FBXO36: variants seen among roughly 807,000 people sequenced by gnomAD.
FBXO36 encodes F-box only protein 36.
Under a neutral mutation model 17.0 loss-of-function variants are expected in FBXO36, and 18 were observed. The observed-to-expected ratio is 1.06, with a 90% CI of 0.73 to 1.57. The LOEUF is 1.57. Among genes scored for constraint, FBXO36 ranks in the 40% most tolerant of loss-of-function variants. The probability of loss-of-function intolerance (pLI) is 0.00; values close to 1 mark genes in which losing one functional copy is unlikely to be tolerated. For synonymous variants in FBXO36, 83 were observed against 85.3 expected (o/e 0.97, Z 0.15); for missense variants, 229 against 221.9 (o/e 1.03, Z -0.20).
chr2:229,938,888 T>A (rs2076981471), intron 1 of FBXO36, among the ~76,000 whole-genome samples: 1 of 146,082 alleles, frequency 6.8e-6, no homozygotes, highest in African/African-American at 2.6e-5. Flanking sequence ...GCCTCCCGAG[T>A]AGCTGGGATT....
At chr2:229,928,410 C>G (rs1031298325) in intron 1 of FBXO36, among the ~76,000 whole-genome samples, 5 of 152,178 alleles carry the variant, frequency 3.3e-5, no homozygotes, top group African/African-American at 1.2e-4. Flanking sequence ...GATTTTTACT[C>G]TCCGCATTCA....
At chr2:229,965,353 T>G (rs550070030) in intron 1 of FBXO36, among the ~76,000 whole-genome samples, 1 of 150,692 alleles carries the variant, frequency 6.6e-6, no homozygotes, top group African/African-American at 2.4e-5. Flanking sequence ...TTTTTCTTTT[T>G]TATTTATTTA....
At chr2:229,953,890 C>G (rs1054363500) in intron 1 of FBXO36, among the ~76,000 whole-genome samples, 14 of 151,988 alleles carry the variant, frequency 9.2e-5, no homozygotes, top group African/African-American at 3.4e-4. Context: ...ATTTTAAAGA[C>G]AGAGTCCATT....
At chr2:229,987,159 C>T (rs890704758) in intron 2 of FBXO36, among the ~76,000 whole-genome samples, 1 of 145,914 alleles carries the variant, frequency 6.9e-6, no homozygotes, top group Non-Finnish European at 1.5e-5. Context: ...TGCAGTGAGT[C>T]AAGATTGTGG....
intron 2 of FBXO36, among the ~76,000 whole-genome samples, chr2:229,988,634 A>G (rs1484031984): frequency 6.6e-6 from 1 of 152,084 alleles, no homozygotes; most frequent in Non-Finnish European, 1.5e-5. Flanking sequence ...TCATGGGTTC[A>G]AGAGATTCTC....
intron 2 of FBXO36, among the ~76,000 whole-genome samples, chr2:229,989,245 G>GTATTTT (rs1259273650): frequency 6.6e-6 from 1 of 152,000 alleles, no homozygotes; most frequent in Non-Finnish European, 1.5e-5. Context: ...TGATCATGAT[G>GTATTTT]TATTTTTATT....
At chr2:229,933,407 C>T (rs1013841769) in intron 1 of FBXO36, among the ~76,000 whole-genome samples, 6 of 151,900 alleles carry the variant, frequency 3.9e-5, no homozygotes, top group African/African-American at 7.3e-5. Flanking sequence ...CTCTCATATA[C>T]ACACACACAC....
At chr2:229,947,496 G>A (rs2077033116) in intron 1 of FBXO36, among the ~76,000 whole-genome samples, 1 of 152,180 alleles carries the variant, frequency 6.6e-6, no homozygotes, top group African/African-American at 2.4e-5. Flanking sequence ...AAGGATTTGG[G>A]CCATGGGGAA....
chr2:229,944,032 C>T (rs899079462), intron 1 of FBXO36, among the ~76,000 whole-genome samples: 14 of 152,132 alleles, frequency 9.2e-5, no homozygotes, highest in African/African-American at 2.2e-4. Context: ...CCACGTAAGA[C>T]GGGGCCAGCT....
At chr2:229,949,061 C>G (rs534277682) in intron 1 of FBXO36, among the ~76,000 whole-genome samples, 2 of 152,288 alleles carry the variant, frequency 1.3e-5, no homozygotes, top group East Asian at 3.9e-4. Context: ...TCTTAAACTC[C>G]TGACCTCGTG....
chr2:229,946,153 T>C (rs1292271818), intron 1 of FBXO36, among the ~76,000 whole-genome samples: 1 of 151,984 alleles, frequency 6.6e-6, no homozygotes, highest in African/African-American at 2.4e-5. Context: ...CCTGAGACCA[T>C]AGGACTGTAC....
intron 1 of FBXO36, among the ~76,000 whole-genome samples, chr2:229,933,384 AAAG>A (rs138088330): frequency 0.043 from 6,480 of 152,134 alleles, 466 homozygotes; most frequent in African/African-American, 0.15. Context: ...AAGAGCAAAA[AAAG>A]AGCAAAACTC....
chr2:229,977,661 G>A (rs531504665), intron 2 of FBXO36, among the ~76,000 whole-genome samples: 3 of 152,028 alleles, frequency 2.0e-5, no homozygotes, highest in African/African-American at 7.2e-5. Context: ...TGTTGGCCAG[G>A]CTGGTCTCGA....
At chr2:230,002,796 C>G (rs1368302881) in intron 3 of FBXO36, among the ~76,000 whole-genome samples, 1 of 152,274 alleles carries the variant, frequency 6.6e-6, no homozygotes, top group East Asian at 1.9e-4. Flanking sequence ...AAACCAGCAG[C>G]ATTAGTGACT....
intron 1 of FBXO36, among the ~76,000 whole-genome samples, chr2:229,973,804 T>C (rs1391107656): frequency 6.6e-6 from 1 of 151,884 alleles, no homozygotes; most frequent in Non-Finnish European, 1.5e-5. Context: ...CCCAGCACAT[T>C]GGGAGGCTGA....
At chr2:229,965,794 T>C (rs922016387) in intron 1 of FBXO36, among the ~76,000 whole-genome samples, 2 of 152,182 alleles carry the variant, frequency 1.3e-5, no homozygotes, top group African/African-American at 4.8e-5. Context: ...TTTGGGTTGG[T>C]TCCAAGTCTT....
intron 1 of FBXO36, among the ~76,000 whole-genome samples, chr2:229,946,802 C>T (rs143131295): frequency 5.9e-5 from 9 of 152,274 alleles, no homozygotes; most frequent in Middle Eastern, 3.4e-3. Context: ...AGTACAATGC[C>T]AAGCACAGTG....
intron 1 of FBXO36, among the ~76,000 whole-genome samples, chr2:229,928,440 T>C (rs1330171730): frequency 2.6e-5 from 4 of 152,222 alleles, no homozygotes; most frequent in African/African-American, 7.2e-5. Context: ...AAGATCTGAA[T>C]TTTCTACCAT....
chr2:229,967,889 C>T (rs9678593), intron 1 of FBXO36, among the ~76,000 whole-genome samples: 39,970 of 152,006 alleles, frequency 0.26, 6,558 homozygotes, highest in Middle Eastern at 0.43. Context: ...ATGCTGGCCT[C>T]GTAAAATGAG....
Sources: gnomAD v4.1 joint callset for allele counts (sites outside exome capture counted in the v4.1 genomes callset) on GRCh38, gnomAD v4.1.1 for gene constraint, MANE v1.5 for transcripts, NCBI Gene and HGNC (gene_info 2026-07-23, HGNC 2026-07-21) for gene names.